Variants in UVRAG observed in about 807,000 individuals in gnomAD.
UVRAG encodes the protein UV radiation resistance-associated gene protein.
UVRAG carries 19 observed loss-of-function variants against 78.0 expected under a neutral mutation model. That is an observed-to-expected ratio of 0.24 (90% CI 0.17 to 0.36). The LOEUF (loss-of-function observed/expected upper bound fraction) is 0.36, where lower values mean the gene tolerates loss of function less well. UVRAG is among the 10% of genes least tolerant of loss of function. The probability of loss-of-function intolerance (pLI) is 1.00; values close to 1 mark genes in which losing one functional copy is unlikely to be tolerated. For synonymous variants in UVRAG, 323 were observed against 324.6 expected, an observed-to-expected ratio of 1.00 and a Z score of 0.05; for missense variants, 740 against 853.8, an observed-to-expected ratio of 0.87 and a Z score of 1.66.
At chr11:76,013,269 G>GT (rs1353887161) in intron 11 of UVRAG, among the ~76,000 whole-genome samples, 3 of 152,094 alleles carry the variant, frequency 2.0e-5, no homozygotes, top group Admixed American at 6.5e-5. Flanking sequence ...GCCTTGAGTG[G>GT]TTACCTACAT....
chr11:76,020,230 G>C (rs1950218228), intron 12 of UVRAG, among the ~76,000 whole-genome samples: 1 of 152,136 alleles, frequency 6.6e-6, no homozygotes, highest in African/African-American at 2.4e-5. Context: ...CTTCAGGGCA[G>C]AGGGTTCCCC....
At chr11:75,822,104 C>T (rs1945405580) in intron 1 of UVRAG, among the ~76,000 whole-genome samples, 1 of 152,008 alleles carries the variant, frequency 6.6e-6, no homozygotes, top group Non-Finnish European at 1.5e-5. Context: ...GCCACCATGC[C>T]CAGCTAATTC....
At chr11:76,037,594 C>G (rs993661408) in intron 12 of UVRAG, among the ~76,000 whole-genome samples, 2 of 150,622 alleles carry the variant, frequency 1.3e-5, no homozygotes, top group African/African-American at 4.9e-5. Flanking sequence ...ACCTGTAAGT[C>G]CCAGCTACTC....
At chr11:75,952,446 T>G (rs548488065) in intron 6 of UVRAG, among the ~76,000 whole-genome samples, 20 of 142,536 alleles carry the variant, frequency 1.4e-4, no homozygotes, top group East Asian at 1.4e-3. Flanking sequence ...TTGTTGAGGG[T>G]TTTTTTTTTA....
At chr11:76,113,521 AG>A (rs1181778322) in intron 13 of UVRAG, among the ~76,000 whole-genome samples, 1 of 149,818 alleles carries the variant, frequency 6.7e-6, no homozygotes, top group Non-Finnish European at 1.5e-5. Flanking sequence ...GGTAGATAGT[AG>A]AGCAGAGAAC....
intron 12 of UVRAG, among the ~76,000 whole-genome samples, chr11:76,031,478 T>C (rs1463203520): frequency 1.3e-5 from 2 of 152,194 alleles, no homozygotes; most frequent in South Asian, 2.1e-4. Context: ...GTGTGTGTTG[T>C]TTTTAATGAA....
intron 2 of UVRAG, among the ~76,000 whole-genome samples, chr11:75,853,130 C>G (rs1946195186): frequency 6.6e-6 from 1 of 152,024 alleles, no homozygotes; most frequent in Non-Finnish European, 1.5e-5. Context: ...TTGGGCTGGT[C>G]TCCAACTCCT....
In UVRAG at chr11:75,879,948, G is replaced by A. The variant is rs752751532; in HGVS notation, c.340G>A (p.Val114Met). The change falls in exon 4 of 15, where the codon GTG becomes ATG. Residue 114 changes from valine to methionine, a missense_variant. Val to Met is a conservative substitution (Grantham distance 21). Coordinates refer to ENST00000356136, the MANE Select transcript of UVRAG (RefSeq NM_003369.4). The part of the protein sequence containing the change: ...DRLDTSVSCF[V>M]VKIWGGKENI... ...TCTTGATACATCTGTGTCTTGTTTC[G>A]TGGTGAAGATATGGGGTGGAAAGGA... 30 of 1,614,060 alleles carry A rather than the reference G, an allele frequency of 1.9e-5. No homozygotes were observed. The highest frequency in any genetic ancestry group is 4.4e-5 in the South Asian group (4 of 91,086).
rs545832901 is a variant in UVRAG, at chr11:76,096,759, C to A, written c.1306-19165C>A. Among the ~76,000 whole-genome samples, 4 of 152,282 alleles carry A rather than the reference C, an allele frequency of 2.6e-5. No homozygotes were observed. In the South Asian group the frequency reaches 8.3e-4, roughly 32 times the overall value. ...TCAGATTTTGCCACCAGAGCCTGTT[C>A]CACAAGCAAATACCCTGAGGCGCCC... On this transcript the variant is annotated intron_variant, in intron 13 of 14. Transcript: ENST00000356136.
At position 76,008,449 on chromosome 11, in the gene UVRAG, T is replaced by G. The variant is rs114770605; in HGVS notation, c.1000-358T>G. 9.1e-3 allele frequency among the ~76,000 whole-genome samples: 1,380 copies of G among 152,314 alleles called. 22 individuals are homozygous for G. The highest frequency in any genetic ancestry group is 0.032 in the African/African-American group (1,312 of 41,572). On this transcript the variant is annotated intron_variant, in intron 10 of 14. Coordinates refer to ENST00000356136, the MANE Select transcript of UVRAG (RefSeq NM_003369.4). ...TTGATAGTTTTCTTTTTAATGAAAA[T>G]TTGTTTAAAAGACTAATTTTCAGAG...
intron 12 of UVRAG, among the ~76,000 whole-genome samples, chr11:76,023,616 A>G (rs1416972925): frequency 6.6e-6 from 1 of 152,100 alleles, no homozygotes; most frequent in Non-Finnish European, 1.5e-5. Flanking sequence ...TGTTTTTAGA[A>G]TAAGAATCTG....
chr11:75,946,095 G>A (rs1948583485), intron 6 of UVRAG, among the ~76,000 whole-genome samples: 1 of 152,134 alleles, frequency 6.6e-6, no homozygotes, highest in Admixed American at 6.6e-5. Context: ...TTAACAGAGG[G>A]CATGGTGAAC....
intron 12 of UVRAG, among the ~76,000 whole-genome samples, chr11:76,029,945 G>A (rs1294731504): frequency 6.6e-6 from 1 of 152,174 alleles, no homozygotes; most frequent in Non-Finnish European, 1.5e-5. Flanking sequence ...TTGCCAAGTA[G>A]GCAAGACCCT....
chr11:75,861,116 C>T (rs527508897), intron 2 of UVRAG, among the ~76,000 whole-genome samples: 83 of 152,164 alleles, frequency 5.5e-4, no homozygotes, highest in Non-Finnish European at 9.0e-4. Context: ...TTCCAACATA[C>T]ATGAAGGCTT....
intron 14 of UVRAG, among the ~76,000 whole-genome samples, chr11:76,132,800 A>G (rs533524324): frequency 6.6e-6 from 1 of 152,322 alleles, no homozygotes; most frequent in South Asian, 2.1e-4. Context: ...AAATATACCA[A>G]TCCACTTAAC....
At chr11:75,839,852 C>CATATATAT (rs547913913) in intron 1 of UVRAG, among the ~76,000 whole-genome samples, 3,481 of 149,982 alleles carry the variant, frequency 0.023, 125 homozygotes, top group African/African-American at 0.078. Flanking sequence ...CACCCCCACA[C>CATATATAT]ATATATATAT....
chr11:75,974,360 T>TG (rs1005278972), intron 7 of UVRAG, among the ~76,000 whole-genome samples: 13 of 135,244 alleles, frequency 9.6e-5, no homozygotes, highest in African/African-American at 3.8e-4. Context: ...TCTTTTTTTT[T>TG]TTTTTTTTTT....
chr11:76,006,685 A>AAAG (rs1554976698), intron 9 of UVRAG, among the ~76,000 whole-genome samples: 23 of 149,356 alleles, frequency 1.5e-4, no homozygotes, highest in Admixed American at 2.7e-4. Flanking sequence ...AAAAAAAAAA[A>AAAG]AGAGAGAGAG....
intron 6 of UVRAG, among the ~76,000 whole-genome samples, chr11:75,926,130 G>C (rs2135086349): frequency 1.3e-5 from 2 of 152,168 alleles, no homozygotes. Flanking sequence ...TTCCTAATAG[G>C]CTTTCCTGGA....
Sources: gnomAD v4.1 joint callset for allele counts (sites outside exome capture counted in the v4.1 genomes callset) on GRCh38, gnomAD v4.1.1 for gene constraint, MANE v1.5 for transcripts, NCBI Gene and HGNC (gene_info 2026-07-23, HGNC 2026-07-21) for gene names.